PLCG2: variants seen among roughly 807,000 people sequenced by gnomAD.
The protein encoded by PLCG2 is 1-phosphatidylinositol 4,5-bisphosphate phosphodiesterase gamma-2.
Under a neutral mutation model 175.6 loss-of-function variants are expected in PLCG2, and 69 were observed. The observed-to-expected ratio is 0.39, with a 90% CI of 0.32 to 0.48. PLCG2 has a LOEUF of 0.48. Ranked by LOEUF, PLCG2 falls within the 20% of genes least tolerant of loss-of-function variation. The pLI is 0.91. For missense variants in PLCG2, 1,798 were observed against 1,650.9 expected (o/e 1.09, Z -1.54); for synonymous variants, 827 against 624.0 (o/e 1.33, Z -4.85).
At chr16:81,785,585 T>C (rs1910932864) in intron 1 of PLCG2, among the ~76,000 whole-genome samples, 1 of 151,770 alleles carries the variant, frequency 6.6e-6, no homozygotes, top group Non-Finnish European at 1.5e-5. Flanking sequence ...TGTTGGAGAT[T>C]AGGGGTGAGA....
rs146168517 is a variant in PLCG2, at chr16:81,870,769, A to AT, written c.565-83_565-82insT. ...AATAAAATAGCATGCCATTTCTGAA[A>AT]CAAAAATTATTCTATAAATAGCATG... On this transcript the variant is annotated intron_variant, in intron 6 of 32. Transcript: ENST00000564138. 403,629 of 696,464 alleles carry AT rather than the reference A, an allele frequency of 0.58. 119,769 individuals carry two copies. Among genetic ancestry groups the AT allele is most frequent in the Non-Finnish European group, 0.6 (253,789 of 420,258 alleles). 43.1% of individuals were successfully genotyped at this position (696,464 alleles called of 1,614,324 possible).
chr16:81,912,881 G>A (rs74032908), intron 19 of PLCG2, among the ~76,000 whole-genome samples, 165 bp downstream of exon 19: 2,517 of 152,356 alleles, frequency 0.017, 64 homozygotes, highest in African/African-American at 0.058. Context: ...GAGAATGTGC[G>A]CTCCTGCGTG....
intron 18 of PLCG2, among the ~76,000 whole-genome samples, chr16:81,910,965 C>T (rs1460259281): frequency 6.6e-6 from 1 of 152,134 alleles, no homozygotes; most frequent in Admixed American, 6.5e-5. Flanking sequence ...TCTTCATAGC[C>T]CCGAGACTTT....
In PLCG2 at chr16:81,895,790, C is replaced by T. The variant is rs572040225; in HGVS notation, c.1073-17C>T. On this transcript the variant is annotated splice_polypyrimidine_tract_variant and intron_variant, in intron 12 of 32. Coordinates refer to ENST00000564138, the MANE Select transcript of PLCG2 (RefSeq NM_002661.5). ...TGAACACACGTGGTATTGAGGCTGC[C>T]GCGTTTCTCCCTGTAGTGGACTGCT... 9.0e-5 allele frequency: 146 copies of T among 1,613,878 alleles called. No individual in the cohort carries two copies. Among genetic ancestry groups the T allele is most frequent in the South Asian group, 2.9e-4 (26 of 91,074 alleles).
At chr16:81,851,507 T>TTTG (rs898563784) in intron 2 of PLCG2, among the ~76,000 whole-genome samples, 191 of 151,970 alleles carry the variant, frequency 1.3e-3, no homozygotes, top group Non-Finnish European at 2.1e-3. Context: ...ACATGGCCTT[T>TTTG]TTGTTGTTGT....
Position 81,961,050 on chromosome 16 carries a change from G to A in PLCG2, c.*3052G>A, listed in dbSNP as rs1279127508. 1 of 231,306 alleles carries A rather than the reference G, an allele frequency of 4.3e-6. No individual in the cohort carries two copies. Among genetic ancestry groups the A allele is most frequent in the Non-Finnish European group, 8.5e-6 (1 of 116,984 alleles). 14.3% of individuals were successfully genotyped at this position (231,306 alleles called of 1,614,324 possible). ...TGGAAAGTGAAAGACTTATCAACAG[G>A]GCACAAATCTTTTTGCAAATGGATT... On this transcript the variant is annotated 3_prime_UTR_variant, in exon 33 of 33. Transcript: ENST00000564138.
In PLCG2 at chr16:81,938,929, C is replaced by T; in HGVS notation, c.3313+14C>T. 6.8e-7 allele frequency: 1 copy of T among 1,463,650 alleles called. No homozygotes were observed. Among genetic ancestry groups the T allele is most frequent in the South Asian group, 1.2e-5 (1 of 86,644 alleles). 90.7% of individuals were successfully genotyped at this position (1,463,650 alleles called of 1,614,324 possible). ...CGACGGTTGTGAGTAAGTCAGTCAC[C>T]TTGGCCCCTCTGCTTTTAAACGTCC... On this transcript the variant is annotated intron_variant, in intron 29 of 32. Transcript: ENST00000564138.
At chr16:81,877,162 A>G (rs923886232) in intron 7 of PLCG2, among the ~76,000 whole-genome samples, 4 of 152,188 alleles carry the variant, frequency 2.6e-5, no homozygotes, top group Admixed American at 6.5e-5. Context: ...GTGGCTTAAA[A>G]ATAACAGAAG....
intron 7 of PLCG2, among the ~76,000 whole-genome samples, chr16:81,878,519 C>G (rs971088496): frequency 1.3e-5 from 2 of 152,176 alleles, no homozygotes; most frequent in African/African-American, 4.8e-5. Context: ...GTGCCCCATA[C>G]TGTCAACTAC....
chr16:81,781,493 G>T (rs563148987), intron 1 of PLCG2, among the ~76,000 whole-genome samples: 2 of 152,014 alleles, frequency 1.3e-5, no homozygotes, highest in East Asian at 1.9e-4. Context: ...CTTTGTGCAT[G>T]TCTTTCTTTA....
At chr16:81,793,890 T>G (rs1911349471) in intron 2 of PLCG2, among the ~76,000 whole-genome samples, 1 of 152,210 alleles carries the variant, frequency 6.6e-6, no homozygotes, top group African/African-American at 2.4e-5. Context: ...TTTGAACTTG[T>G]TCTTCCCAGT....
At position 81,889,157 on chromosome 16, in the gene PLCG2, C is replaced by T. The variant is rs751068151; in HGVS notation, c.766-15C>T. 1.6e-5 allele frequency: 24 copies of T among 1,520,132 alleles called. No individual in the cohort carries two copies. The highest frequency in any genetic ancestry group is 2.2e-5 in the Non-Finnish European group (24 of 1,101,858). The allele number at this position is 1,520,132 out of a possible 1,614,324, so 94.2% of individuals were successfully genotyped here. A position where few individuals can be genotyped will look rare whatever the true frequency, so the allele number is the denominator to read the frequency against. ...TCTCACTTTGCTGATCTCTCGTTCT[C>T]TTTGTCATTTTAAGGAGCATTGGGC... On this transcript the variant is annotated splice_polypyrimidine_tract_variant and intron_variant, in intron 9 of 32. Coordinates refer to ENST00000564138, the MANE Select transcript of PLCG2 (RefSeq NM_002661.5).
chr16:81,863,539 T>C (rs1907085281), intron 5 of PLCG2, among the ~76,000 whole-genome samples: 1 of 152,248 alleles, frequency 6.6e-6, no homozygotes, highest in Non-Finnish European at 1.5e-5. Flanking sequence ...GAGTCTCTGC[T>C]TTAAATTCCT....
intron 13 of PLCG2, among the ~76,000 whole-genome samples, chr16:81,899,066 G>T (rs1049333043): frequency 2.0e-5 from 3 of 152,110 alleles, no homozygotes; most frequent in African/African-American, 7.2e-5. Flanking sequence ...GCAGATACCT[G>T]TAATCTCAGC....
chr16:81,869,229 G>C lies in PLCG2; in HGVS notation c.495G>C (p.Glu165Asp), dbSNP rs1243041169. The change falls in exon 6 of 33, where the codon GAG (glutamate) becomes GAC (aspartate). Residue 165 changes from glutamate to aspartate, a missense_variant. Physicochemically the swap from Glu to Asp is conservative, Grantham distance 45. Coordinates refer to ENST00000564138, the MANE Select transcript of PLCG2 (RefSeq NM_002661.5). ...TCTTTTGCAGCATCAGTCTCCGAGA[G>C]TTGAAGACCATCTTGCCCCTGATCA... is the stretch of plus-strand genomic sequence containing the variant. ...QTRRNSISLR[E>D]LKTILPLINF... is the part of the protein sequence containing the mutation. 6.2e-7 allele frequency: 1 copy of C among 1,613,928 alleles called. No individual in the cohort carries two copies.
chr16:81,795,825 A>G (rs777364998), intron 2 of PLCG2, among the ~76,000 whole-genome samples: 1 of 152,134 alleles, frequency 6.6e-6, no homozygotes, highest in African/African-American at 2.4e-5. Context: ...TTGGCCTCCC[A>G]AAGAGCTGGG....
chr16:81,947,555 T>C (rs1315605545), intron 31 of PLCG2, among the ~76,000 whole-genome samples: 1 of 152,198 alleles, frequency 6.6e-6, no homozygotes, highest in African/African-American at 2.4e-5. Flanking sequence ...GGAGAAACTC[T>C]GGTAAACAGC....
chr16:81,783,561 T>A (rs1001731967), intron 1 of PLCG2, among the ~76,000 whole-genome samples: 2 of 152,230 alleles, frequency 1.3e-5, no homozygotes, highest in South Asian at 4.1e-4. Context: ...GGTTTTGATC[T>A]TTGTGCTGCT....
At chr16:81,870,785 A>G in intron 6 of PLCG2, 67 bp from the exon 7 acceptor site, 1 of 811,382 alleles carries the variant, frequency 1.2e-6, no homozygotes, top group Non-Finnish European at 2.0e-6. Flanking sequence ...ATTATTCTAT[A>G]AATAGCATGG....
Sources: allele counts gnomAD v4.1 joint callset (sites outside exome capture counted in the v4.1 genomes callset), GRCh38; gene constraint gnomAD v4.1.1; transcripts MANE v1.5; gene names NCBI Gene and HGNC (gene_info 2026-07-23, HGNC 2026-07-21).